The following PCTP variants were observed in gnomAD, a reference collection of about 807,000 sequenced individuals.
The protein encoded by PCTP is START domain-containing protein 2.
PCTP carries 27 observed loss-of-function variants against 31.0 expected under a neutral mutation model. The observed-to-expected ratio is 0.87, with a 90% CI of 0.64 to 1.20. The LOEUF (loss-of-function observed/expected upper bound fraction) is 1.20, where lower values mean the gene tolerates loss of function less well. Among genes scored for constraint, PCTP ranks in the 50% most tolerant of loss-of-function variants. The pLI is 0.00. For synonymous variants in PCTP, 108 were observed against 101.2 expected (o/e 1.07, Z -0.40); for missense variants, 287 against 268.2 (o/e 1.07, Z -0.49).
chr17:55,832,102 C>A (rs9908844), intron 5 of PCTP, among the ~76,000 whole-genome samples: 25,785 of 151,990 alleles, frequency 0.17, 2,316 homozygotes, highest in Middle Eastern at 0.26. Flanking sequence ...ACAACAACAA[C>A]AAAAAACAAA....
chr17:55,762,775 G>A lies in PCTP; in HGVS notation c.142-4560G>A, dbSNP rs2912554. On this transcript the variant is annotated intron_variant, in intron 1 of 5. Coordinates refer to ENST00000268896, the MANE Select transcript of PCTP (RefSeq NM_021213.4). ...ACCATCATGTCCACATTTAAAACAG[G>A]GATAAGTCACACGGCTACCTCTCCC... 1.7e-3 allele frequency among the ~76,000 whole-genome samples: 255 copies of A among 152,180 alleles called. 7 individuals are homozygous for A. In the East Asian group the frequency reaches 0.028, roughly 17 times the overall value.
At chr17:55,762,215 C>T (rs756256885) in intron 1 of PCTP, among the ~76,000 whole-genome samples, 1 of 152,116 alleles carries the variant, frequency 6.6e-6, no homozygotes, top group African/African-American at 2.4e-5. Flanking sequence ...GGCCAAAGTT[C>T]AGGGGCCTGG....
At chr17:55,767,164 C>T (rs12452118) in intron 1 of PCTP, among the ~76,000 whole-genome samples, 171 bp from the exon 2 acceptor site, 97,230 of 151,776 alleles carry the variant, frequency 0.64, 36,137 homozygotes, top group East Asian at 0.87. Flanking sequence ...GGATATTAGC[C>T]CTTTGTCAGA....
intron 1 of PCTP, among the ~76,000 whole-genome samples, chr17:55,764,859 AT>A (rs899739232): frequency 3.9e-5 from 6 of 152,212 alleles, no homozygotes; most frequent in Admixed American, 1.3e-4. Context: ...ATGTTCGTTC[AT>A]TTGTTTCTTT....
chr17:55,801,503 TAACA>T (rs1255994198), intron 3 of PCTP, among the ~76,000 whole-genome samples: 1 of 152,144 alleles, frequency 6.6e-6, no homozygotes, highest in African/African-American at 2.4e-5. Flanking sequence ...ACGGAAATCA[TAACA>T]AACAGTCTCT....
At chr17:55,792,984 C>A (rs1361841003) in intron 3 of PCTP, among the ~76,000 whole-genome samples, 1 of 152,048 alleles carries the variant, frequency 6.6e-6, no homozygotes, top group African/African-American at 2.4e-5. Flanking sequence ...CCAGTCCAAA[C>A]AAACAAAAAC....
At chr17:55,847,937 T>C in the PCTP span, among the ~76,000 whole-genome samples, 1 of 152,150 alleles carries the variant, frequency 6.6e-6, no homozygotes, top group Admixed American at 6.5e-5. Context: ...TTTTGTTTTT[T>C]TTTGAGACAG....
chr17:55,809,616 G>A (rs896948994), intron 3 of PCTP, among the ~76,000 whole-genome samples: 2 of 148,874 alleles, frequency 1.3e-5, no homozygotes, highest in African/African-American at 2.5e-5. Flanking sequence ...TCCGCTTCCC[G>A]GGTTCAAGCG....
chr17:55,798,780 A>C (rs1293735028), intron 3 of PCTP, among the ~76,000 whole-genome samples: 2 of 151,958 alleles, frequency 1.3e-5, no homozygotes, highest in Admixed American at 1.3e-4. Flanking sequence ...AAAAAGAAAA[A>C]TGCAGAAAAT....
At chr17:55,788,790 C>T (rs1911846378) in intron 3 of PCTP, among the ~76,000 whole-genome samples, 1 of 152,070 alleles carries the variant, frequency 6.6e-6, no homozygotes, top group African/African-American at 2.4e-5. Flanking sequence ...GGAAATTTGC[C>T]TGTCCCTCAT....
chr17:55,778,210 C>CAAA (rs57503627), downstream of PCTP, among the ~76,000 whole-genome samples: 647 of 111,546 alleles, frequency 5.8e-3, 4 homozygotes, highest in Non-Finnish European at 9.1e-3. Context: ...GTGCCAAAGT[C>CAAA]AAAAAAAAAA....
At chr17:55,804,209 A>G (rs1013481297) in intron 3 of PCTP, among the ~76,000 whole-genome samples, 3 of 152,226 alleles carry the variant, frequency 2.0e-5, no homozygotes, top group African/African-American at 7.2e-5. Context: ...AAAAGTCAGG[A>G]AACAACAGAT....
At chr17:55,791,125 C>A (rs1423508506) in intron 3 of PCTP, among the ~76,000 whole-genome samples, 3 of 151,830 alleles carry the variant, frequency 2.0e-5, no homozygotes, top group Non-Finnish European at 1.5e-5. Context: ...AAACTGGATC[C>A]CTTCCTTACA....
intron 5 of PCTP, among the ~76,000 whole-genome samples, chr17:55,837,034 T>A (rs1905799673): frequency 1.3e-5 from 2 of 151,946 alleles, no homozygotes; most frequent in Admixed American, 1.3e-4. Flanking sequence ...GTGAAGGTTG[T>A]ATGGTGGTAT....
chr17:55,789,309 G>A (rs549303051), intron 3 of PCTP, among the ~76,000 whole-genome samples: 37 of 152,150 alleles, frequency 2.4e-4, no homozygotes, highest in African/African-American at 8.2e-4. Flanking sequence ...TGTGTTATTG[G>A]ATAGTTTTGT....
intron 3 of PCTP, among the ~76,000 whole-genome samples, chr17:55,806,120 G>T (rs758784588): frequency 2.8e-4 from 43 of 152,044 alleles, no homozygotes; most frequent in Non-Finnish European, 4.3e-4. Flanking sequence ...ATGGGCCATG[G>T]ATCACAGAGT....
intron 1 of PCTP, among the ~76,000 whole-genome samples, chr17:55,753,934 C>T (rs901530001): frequency 3.3e-5 from 5 of 152,176 alleles, no homozygotes; most frequent in African/African-American, 2.4e-5. Context: ...TGGGATGGAC[C>T]GTCTTAGGAG....
Position 55,753,135 on chromosome 17 carries a change from G to C in PCTP, c.141+1891G>C, listed in dbSNP as rs188280398. Among the ~76,000 whole-genome samples, 325 of 152,316 alleles carry C rather than the reference G, an allele frequency of 2.1e-3. 1 individual carries two copies. The highest frequency in any genetic ancestry group is 7.5e-3 in the African/African-American group (313 of 41,578). Reference sequence around the variant, plus strand: ...TTGGCCAAGTTTTGTTGATTCAACTGCTCAGACGTGTCTAGCATCTGGCTT... The same window carrying C: ...TTGGCCAAGTTTTGTTGATTCAACTCCTCAGACGTGTCTAGCATCTGGCTT... On this transcript the variant is annotated intron_variant, in intron 1 of 5. Transcript: ENST00000268896.
intron 1 of PCTP, among the ~76,000 whole-genome samples, chr17:55,764,453 T>G (rs1157706498): frequency 6.6e-6 from 1 of 152,240 alleles, no homozygotes; most frequent in Non-Finnish European, 1.5e-5. Context: ...CATCAGACCC[T>G]GAGGTCTGCC....
Sources: allele counts gnomAD v4.1 joint callset (sites outside exome capture counted in the v4.1 genomes callset), GRCh38; gene constraint gnomAD v4.1.1; transcripts MANE v1.5; gene names NCBI Gene and HGNC (gene_info 2026-07-23, HGNC 2026-07-21).